SNED1: variants seen among roughly 807,000 people sequenced by gnomAD.
SNED1 encodes sushi, nidogen and EGF like domains 1.
In SNED1, 81 loss-of-function variants were observed where a neutral mutation model predicts 166.7. That is an observed-to-expected ratio of 0.49 (90% confidence interval 0.41 to 0.58). The LOEUF is 0.58. Ranked by LOEUF, SNED1 falls within the 20% of genes least tolerant of loss-of-function variation. The pLI, the probability that SNED1 is intolerant of heterozygous loss-of-function variation, is 0.00. For synonymous variants in SNED1, 762 were observed against 822.0 expected (o/e 0.93, Z 1.25); for missense variants, 1,604 against 2,000.2 (o/e 0.80, Z 3.78).
At chr2:241,061,660 G>A (rs1301158970) in intron 16 of SNED1, among the ~76,000 whole-genome samples, 3 of 152,110 alleles carry the variant, frequency 2.0e-5, no homozygotes, top group African/African-American at 7.2e-5. Context: ...GCTGAGGCAG[G>A]CGGATCACGA....
chr2:241,037,718 C>T (rs1041248120), intron 6 of SNED1, among the ~76,000 whole-genome samples: 3 of 152,238 alleles, frequency 2.0e-5, no homozygotes, highest in African/African-American at 4.8e-5. Context: ...GACCCCCTCT[C>T]AGCCCAGGAC....
intron 17 of SNED1, 183 bp from the exon 18 acceptor site, chr2:241,063,404 G>A: frequency 1.6e-6 from 1 of 616,988 alleles, no homozygotes; most frequent in African/African-American, 1.8e-5. Flanking sequence ...AGGCAGTGGA[G>A]GTGGCACGCC....
chr2:241,030,761 T>G (rs2061143661), intron 2 of SNED1, among the ~76,000 whole-genome samples, 190 bp downstream of exon 2: 1 of 152,186 alleles, frequency 6.6e-6, no homozygotes, highest in Non-Finnish European at 1.5e-5. Flanking sequence ...CCAATGCTCC[T>G]GGAAGCCACT....
intron 11 of SNED1, 123 bp from the exon 12 acceptor site, chr2:241,049,694 C>T: frequency 1.5e-6 from 1 of 680,836 alleles, no homozygotes; most frequent in South Asian, 1.7e-5. Context: ...AGTGTATTTT[C>T]AGTGGCCTTG....
At chr2:241,036,650 G>T (rs909214377) in intron 4 of SNED1, 140 bp from the exon 5 acceptor site, 5 of 1,093,560 alleles carry the variant, frequency 4.6e-6, no homozygotes, top group African/African-American at 1.6e-5. Flanking sequence ...CCTGAAACCT[G>T]GCTGCTTTGC....
chr2:241,086,533 C>G (rs143123049), intron 29 of SNED1, among the ~76,000 whole-genome samples: 410 of 152,340 alleles, frequency 2.7e-3, no homozygotes, highest in African/African-American at 9.4e-3. Context: ...TTTCTCCTCT[C>G]TCAGGGATTA....
At position 241,094,551 on chromosome 2, in the gene SNED1, CTTAT is replaced by C; in HGVS notation, c.*2918_*2921del. 4 of 365,792 alleles carry C rather than the reference CTTAT, an allele frequency of 1.1e-5. No homozygotes were observed. Among genetic ancestry groups the C allele is most frequent in the Non-Finnish European group, 2.2e-5 (4 of 183,124 alleles). 22.7% of individuals were successfully genotyped at this position (365,792 alleles called of 1,614,324 possible). On this transcript the variant is annotated 3_prime_UTR_variant, in exon 32 of 32. Coordinates refer to ENST00000310397, the MANE Select transcript of SNED1 (RefSeq NM_001080437.3). The surrounding 1 kb of genome is among the most constrained non-coding windows in gnomAD (Gnocchi z 4.3). ...AGGAACCCGGCTGAAAAACCAGCTC[CTTAT>C]TTTTCTTTTAAATAAAATAATACGA...
rs1372350274 is a variant in SNED1, at chr2:240,999,827, T to A, written c.213+777T>A. On this transcript the variant is annotated intron_variant, in intron 1 of 31. Transcript: ENST00000310397. The surrounding 1 kb of genome is among the most constrained non-coding windows in gnomAD (Gnocchi z 5.8). ...CAGGGAATGAAATGCACCTGGTAACTGCATGGAGCACTCGCCCTGAGTAGG... is the reference window on the plus strand; with the variant it reads ...CAGGGAATGAAATGCACCTGGTAACAGCATGGAGCACTCGCCCTGAGTAGG... Among the ~76,000 whole-genome samples, 1 of 152,158 alleles carries A rather than the reference T, an allele frequency of 6.6e-6. No individual in the cohort carries two copies. The highest frequency in any genetic ancestry group is 2.4e-5 in the African/African-American group (1 of 41,426).
intron 27 of SNED1, among the ~76,000 whole-genome samples, chr2:241,079,649 A>G (rs561942800): frequency 6.6e-6 from 1 of 152,164 alleles, no homozygotes; most frequent in Non-Finnish European, 1.5e-5. Context: ...AAAAGGTTTT[A>G]AAAACAATAA....
At chr2:241,087,751 G>A (rs1000340659) in intron 30 of SNED1, 46 of 1,219,156 alleles carry the variant, frequency 3.8e-5, no homozygotes, top group Non-Finnish European at 4.6e-5. Context: ...TGCTACAATT[G>A]GGAAGCACAG....
rs186778143 is a variant in SNED1, at chr2:241,070,110, G to T, written c.3498G>T (p.Pro1166=). Residue 1166 remains proline (P), a synonymous_variant, in exon 24 of 32, where the codon CCG becomes CCT. Transcript: ENST00000310397. The part of the protein sequence containing the change: ...LASYTVRDLL[P]GRRYQLSVIA... Reference sequence around the variant, plus strand: ...CCTACACGGTGCGCGACCTGCTGCCGGGACGGCGGTACCAGCTCTCTGTGA... The same window carrying T: ...CCTACACGGTGCGCGACCTGCTGCCTGGACGGCGGTACCAGCTCTCTGTGA... 2 of 1,612,826 alleles carry T rather than the reference G, an allele frequency of 1.2e-6. No homozygotes were observed. Among genetic ancestry groups the T allele is most frequent in the East Asian group, 4.5e-5 (2 of 44,884 alleles).
At chr2:241,011,139 GGTTCTCCTGGGTCTCCTGGGGGTGGCA>G (rs2060383274) in intron 1 of SNED1, among the ~76,000 whole-genome samples, 1 of 95,948 alleles carries the variant, frequency 1.0e-5, no homozygotes, top group Non-Finnish European at 1.8e-5. Context: ...CAGGTCTCCT[GGTTCTCCTGGGTCTCCTGGGGGTGGCA>G]GGTCTCCTGG....
chr2:241,058,673 G>A (rs937423690), intron 16 of SNED1, among the ~76,000 whole-genome samples: 13 of 152,148 alleles, frequency 8.5e-5, no homozygotes, highest in South Asian at 2.1e-4. Context: ...AAATTGGGCC[G>A]GGCGCGGTGG....
Position 241,062,864 on chromosome 2 carries a change from C to T in SNED1, c.2331C>T (p.Cys777=). The T allele has an allele frequency of 6.2e-7, 1 of 1,610,494 alleles. No individual in the cohort carries two copies. Residue 777 remains cysteine, a synonymous_variant, in exon 17 of 32, where the codon TGC becomes TGT. Transcript: ENST00000310397. The part of the protein sequence containing the change: ...SCQDRVAGYL[C]LCSTGYEGAH... ...AGGACCGCGTTGCTGGGTACCTGTG[C>T]CTCTGCAGCACAGGCTATGAGGGCG...
chr2:240,998,799 TGCTCCGCCAGCGCCCC>T lies in SNED1; in HGVS notation c.-37_-22del. On this transcript the variant is annotated 5_prime_UTR_variant, in exon 1 of 32. Transcript: ENST00000310397. ...CGCGCAGCCTAGTCCCCCAGCGCCC[TGCTCCGCCAGCGCCCC>T]GTCCCGCCCGCACACCTCCGCGATG... The T allele has an allele frequency of 9.2e-7, 1 of 1,089,686 alleles. No homozygotes were observed. Among genetic ancestry groups the T allele is most frequent in the Non-Finnish European group, 1.1e-6 (1 of 885,806 alleles). 67.5% of individuals were successfully genotyped at this position (1,089,686 alleles called of 1,614,324 possible). A position where few individuals can be genotyped will look rare whatever the true frequency, so the allele number is the denominator to read the frequency against.
At chr2:241,028,517 T>G (rs920148987) in intron 1 of SNED1, among the ~76,000 whole-genome samples, 1 of 152,218 alleles carries the variant, frequency 6.6e-6, no homozygotes, top group African/African-American at 2.4e-5. Context: ...GGATGTCCAG[T>G]TTTGCTGGCA....
intron 16 of SNED1, among the ~76,000 whole-genome samples, chr2:241,060,710 A>G (rs1303375557): frequency 2.0e-5 from 3 of 152,190 alleles, no homozygotes; most frequent in African/African-American, 7.2e-5. Flanking sequence ...TGGGAGGCCA[A>G]GACAGGAGTT....
chr2:241,071,777 C>T lies in SNED1; in HGVS notation c.3735-19C>T. 6.3e-7 allele frequency: 1 copy of T among 1,579,006 alleles called. No homozygotes were observed. Among genetic ancestry groups the T allele is most frequent in the Non-Finnish European group, 8.6e-7 (1 of 1,161,352 alleles). On this transcript the variant is annotated intron_variant, in intron 25 of 31. Coordinates refer to ENST00000310397, the MANE Select transcript of SNED1 (RefSeq NM_001080437.3). The stretch of plus-strand genomic sequence containing the variant: ...GAGGCGGCGCTCGGACTGTGGTGAC[C>T]CTCCCACCCTCTCTGCAGGTTCTCG...
intron 29 of SNED1, among the ~76,000 whole-genome samples, chr2:241,082,803 G>GT (rs2063392316): frequency 6.6e-6 from 1 of 152,242 alleles, no homozygotes; most frequent in South Asian, 2.1e-4. Context: ...AATGGGCTGT[G>GT]GAGGGAGAGA....
Sources: gnomAD v4.1 joint callset for allele counts (sites outside exome capture counted in the v4.1 genomes callset) on GRCh38, gnomAD v4.1.1 for gene constraint, Gnocchi (gnomAD v3.1) non-coding constraint, MANE v1.5 for transcripts, NCBI Gene and HGNC (gene_info 2026-07-23, HGNC 2026-07-21) for gene names.